The following ROR1 variants were observed in gnomAD, a reference collection of about 807,000 sequenced individuals.
ROR1 encodes the protein ROR family WNT receptor 1, also known as inactive tyrosine-protein kinase transmembrane receptor ROR1.
ROR1 carries 19 observed loss-of-function variants against 78.8 expected under a neutral mutation model. That is an observed-to-expected ratio of 0.24 (90% CI 0.17 to 0.35). The LOEUF (loss-of-function observed/expected upper bound fraction) is 0.35. ROR1 is among the 10% of genes least tolerant of loss of function. The probability of loss-of-function intolerance (pLI) is 1.00; values close to 1 mark genes in which losing one functional copy is unlikely to be tolerated. For missense variants in ROR1, 917 were observed against 1,177.8 expected, an observed-to-expected ratio of 0.78 and a Z score of 3.24; for synonymous variants, 386 against 433.6, an observed-to-expected ratio of 0.89 and a Z score of 1.36.
At chr1:64,093,470 G>T (rs928416458) in intron 4 of ROR1, among the ~76,000 whole-genome samples, 2 of 152,014 alleles carry the variant, frequency 1.3e-5, no homozygotes, top group African/African-American at 4.8e-5. Flanking sequence ...ATACAAATCT[G>T]ACACAAAACC....
chr1:64,037,825 G>T (rs189500274), intron 2 of ROR1, among the ~76,000 whole-genome samples: 8 of 152,042 alleles, frequency 5.3e-5, no homozygotes. Flanking sequence ...CAGCAGATAT[G>T]CATGGTACAT....
chr1:64,048,355 G>A (rs553208413), intron 2 of ROR1, among the ~76,000 whole-genome samples: 19 of 152,242 alleles, frequency 1.2e-4, no homozygotes, highest in East Asian at 1.9e-4. Context: ...TTCCATCATT[G>A]CAGAAAGTTC....
At chr1:64,148,015 C>T (rs1489967792) in intron 7 of ROR1, among the ~76,000 whole-genome samples, 2 of 152,064 alleles carry the variant, frequency 1.3e-5, no homozygotes, top group Non-Finnish European at 2.9e-5. Flanking sequence ...CCCAAAATGT[C>T]GAATGTTGGG....
chr1:63,958,708 G>A (rs145957826), intron 1 of ROR1, among the ~76,000 whole-genome samples: 6 of 152,314 alleles, frequency 3.9e-5, no homozygotes, highest in African/African-American at 1.4e-4. Flanking sequence ...ACCTATGTCC[G>A]TAGTATGTAG....
intron 2 of ROR1, 83 bp from the exon 3 acceptor site, chr1:64,049,608 G>C: frequency 8.1e-7 from 1 of 1,230,248 alleles, no homozygotes; most frequent in Non-Finnish European, 1.2e-6. Flanking sequence ...GTGATCCCAA[G>C]GGTACACTGG....
At chr1:63,996,651 G>A (rs1646339065) in intron 1 of ROR1, among the ~76,000 whole-genome samples, 1 of 152,102 alleles carries the variant, frequency 6.6e-6, no homozygotes, top group Non-Finnish European at 1.5e-5. Context: ...ACAGCCAGAA[G>A]GTATAAATCA....
intron 4 of ROR1, among the ~76,000 whole-genome samples, chr1:64,104,031 C>T (rs1647681280): frequency 6.6e-6 from 1 of 152,134 alleles, no homozygotes; most frequent in South Asian, 2.1e-4. Context: ...CACAGGCCAG[C>T]TCGCTCCAAC....
chr1:63,875,354 G>C (rs1178502138), intron 1 of ROR1, among the ~76,000 whole-genome samples: 1 of 152,132 alleles, frequency 6.6e-6, no homozygotes, highest in African/African-American at 2.4e-5. Context: ...TTTCAGCAAG[G>C]CTTTAGAATT....
At chr1:64,034,001 C>T (rs1646681404) in intron 2 of ROR1, among the ~76,000 whole-genome samples, 1 of 152,166 alleles carries the variant, frequency 6.6e-6, no homozygotes, top group African/African-American at 2.4e-5. Context: ...TCACTGTTAT[C>T]TCTAAATGTT....
Position 63,940,490 on chromosome 1 carries a change from T to TAGAC in ROR1, c.92-68807_92-68804dup, listed in dbSNP as rs67116114. Among the ~76,000 whole-genome samples the TAGAC allele has an allele frequency of 8.9e-3, 815 of 91,464 alleles. 8 individuals carry two copies. Among genetic ancestry groups the TAGAC allele is most frequent in the African/African-American group, 0.024 (710 of 29,502 alleles). 60.0% of individuals were successfully genotyped at this position (91,464 alleles called of 152,430 possible). On this transcript the variant is annotated intron_variant, in intron 1 of 8. Coordinates refer to ENST00000371079, the MANE Select transcript of ROR1 (RefSeq NM_005012.4). Reference sequence around the variant, plus strand: ...GTAGATAGATAGATAGACAGATAGATAGACAGACAGATAGATAGATAGATA... The same window carrying TAGAC: ...GTAGATAGATAGATAGACAGATAGATAGACAGACAGACAGATAGATAGATAGATA...
intron 1 of ROR1, among the ~76,000 whole-genome samples, chr1:63,964,889 G>C (rs534394677): frequency 2.6e-5 from 4 of 152,206 alleles, no homozygotes; most frequent in Non-Finnish European, 5.9e-5. Flanking sequence ...TGAGAACTGA[G>C]GATGAGTTTC....
intron 1 of ROR1, among the ~76,000 whole-genome samples, chr1:63,826,416 C>T (rs564203708): frequency 1.3e-5 from 2 of 152,310 alleles, no homozygotes; most frequent in South Asian, 2.1e-4. Context: ...TTGCAAAGGA[C>T]ATGATCTCAT....
rs961239707 is a variant in ROR1 at position 64,177,389 on chromosome 1, G to T, written c.1387-39G>T. On this transcript the variant is annotated intron_variant, in intron 8 of 8. Transcript: ENST00000371079. The stretch of plus-strand genomic sequence containing the variant: ...CGGATGCAAAGCTGTCTTGCCTGAA[G>T]ATATGTTTTAAACCACGTTTTTCCT... 10 of 1,501,336 alleles carry T rather than the reference G, an allele frequency of 6.7e-6. No individual in the cohort carries two copies. The Admixed American group carries it at 1.0e-4, about 15-fold the overall frequency. The allele number at this position is 1,501,336 out of a possible 1,614,324, so 93.0% of individuals were successfully genotyped here.
chr1:63,973,777 T>G (rs952574724), intron 1 of ROR1, among the ~76,000 whole-genome samples: 2 of 152,156 alleles, frequency 1.3e-5, no homozygotes, highest in African/African-American at 4.8e-5. Context: ...TTCTGATATA[T>G]GTGAAGATTA....
intron 2 of ROR1, among the ~76,000 whole-genome samples, chr1:64,023,006 C>G (rs1646577167): frequency 6.6e-6 from 1 of 152,112 alleles, no homozygotes; most frequent in Non-Finnish European, 1.5e-5. Flanking sequence ...ATGGAAAACT[C>G]TAATAATGCG....
chr1:63,788,394 A>T (rs1644704944), intron 1 of ROR1, among the ~76,000 whole-genome samples: 1 of 152,140 alleles, frequency 6.6e-6, no homozygotes, highest in Non-Finnish European at 1.5e-5. Context: ...CCCAAAAGAA[A>T]ACTGAGGCTC....
At chr1:63,930,510 T>C (rs527359597) in intron 1 of ROR1, among the ~76,000 whole-genome samples, 382 of 152,304 alleles carry the variant, frequency 2.5e-3, no homozygotes, top group Non-Finnish European at 3.4e-3. Flanking sequence ...AGCATAATAT[T>C]CTGATATCAG....
chr1:64,088,577 T>C (rs1002306845), intron 4 of ROR1, among the ~76,000 whole-genome samples: 32 of 134,660 alleles, frequency 2.4e-4, no homozygotes, highest in Middle Eastern at 3.7e-3. Context: ...CAGCTCCACT[T>C]TTCCCATGCA....
chr1:63,840,430 C>A (rs1014431073), intron 1 of ROR1, among the ~76,000 whole-genome samples: 2 of 151,816 alleles, frequency 1.3e-5, no homozygotes, highest in Non-Finnish European at 2.9e-5. Context: ...CAGGTACACG[C>A]CACCACGCCT....
Sources: allele counts gnomAD v4.1 joint callset (sites outside exome capture counted in the v4.1 genomes callset), GRCh38; gene constraint gnomAD v4.1.1; transcripts MANE v1.5; gene names NCBI Gene and HGNC (gene_info 2026-07-23, HGNC 2026-07-21).